The following GALNTL6 variants were observed in gnomAD, a reference collection of about 807,000 sequenced individuals.
The protein encoded by GALNTL6 is polypeptide N-acetylgalactosaminyltransferase like 6.
Under a neutral mutation model 73.7 loss-of-function variants are expected in GALNTL6, and 46 were observed. The observed-to-expected ratio is 0.62, with a 90% CI of 0.49 to 0.80. The LOEUF is 0.80. GALNTL6 is among the 30% of genes least tolerant of loss of function. GALNTL6 has a pLI of 0.00. For synonymous variants in GALNTL6, 259 were observed against 263.7 expected, an observed-to-expected ratio of 0.98 and a Z score of 0.17; for missense variants, 604 against 755.0, an observed-to-expected ratio of 0.80 and a Z score of 2.34.
At chr4:172,470,804 G>A (rs1000026215) in intron 5 of GALNTL6, among the ~76,000 whole-genome samples, 2 of 152,108 alleles carry the variant, frequency 1.3e-5, no homozygotes, top group Admixed American at 1.3e-4. Context: ...CTATACATGA[G>A]ATATATAACC....
At chr4:172,638,129 A>G (rs2111113317) in intron 5 of GALNTL6, among the ~76,000 whole-genome samples, 1 of 152,274 alleles carries the variant, frequency 6.6e-6, no homozygotes, top group Non-Finnish European at 1.5e-5. Flanking sequence ...GAAGTGACTG[A>G]AAACCACACA....
chr4:172,584,852 A>T (rs1034567714), intron 5 of GALNTL6, among the ~76,000 whole-genome samples: 1 of 152,224 alleles, frequency 6.6e-6, no homozygotes, highest in East Asian at 1.9e-4. Context: ...AAAAGTGAAC[A>T]ACATTGTCCA....
chr4:172,015,385 CATTTATGTGTAAT>C (rs1741155254), intron 2 of GALNTL6, among the ~76,000 whole-genome samples: 1 of 151,910 alleles, frequency 6.6e-6, no homozygotes, highest in Non-Finnish European at 1.5e-5. Context: ...TTTTGGTTTC[CATTTATGTGTAAT>C]ATCTTATTCC....
chr4:172,293,750 C>T lies in GALNTL6; in HGVS notation c.248-17864C>T, dbSNP rs192823960. Among the ~76,000 whole-genome samples, 210 of 151,384 alleles carry T rather than the reference C, an allele frequency of 1.4e-3. 1 individual carries two copies. The highest frequency in any genetic ancestry group is 0.01 in the Middle Eastern group (3 of 288). On this transcript the variant is annotated intron_variant, in intron 3 of 12. Coordinates refer to ENST00000506823, the MANE Select transcript of GALNTL6 (RefSeq NM_001034845.3). ...AATATATTATAAATATATTACTATA[C>T]AAAACATTTTGCATAAATTAAACTG...
chr4:172,513,298 G>C (rs1734490429), intron 5 of GALNTL6, among the ~76,000 whole-genome samples: 1 of 152,008 alleles, frequency 6.6e-6, no homozygotes, highest in Admixed American at 6.6e-5. Context: ...TTTATTTCCA[G>C]AAGTTGTGAT....
intron 2 of GALNTL6, among the ~76,000 whole-genome samples, chr4:172,113,867 C>A (rs530838146): frequency 6.6e-6 from 1 of 152,088 alleles, no homozygotes; most frequent in South Asian, 2.1e-4. Flanking sequence ...TTGTATTTTC[C>A]TTGTTAAATG....
At chr4:172,786,362 C>T (rs1371809513) in intron 5 of GALNTL6, among the ~76,000 whole-genome samples, 1 of 152,136 alleles carries the variant, frequency 6.6e-6, no homozygotes, top group Non-Finnish European at 1.5e-5. Context: ...TATCATGACT[C>T]ACTTTGTAGT....
intron 7 of GALNTL6, among the ~76,000 whole-genome samples, chr4:172,862,707 A>C (rs1744457628): frequency 1.1e-5 from 1 of 91,994 alleles, no homozygotes; most frequent in Non-Finnish European, 3.0e-5. Context: ...CTCAAAAAAA[A>C]GAAAAAGAGA....
intron 5 of GALNTL6, among the ~76,000 whole-genome samples, chr4:172,583,146 A>C (rs1036820535): frequency 1.3e-5 from 2 of 152,126 alleles, no homozygotes; most frequent in African/African-American, 4.8e-5. Context: ...ACATACACAC[A>C]CACACAAACA....
At chr4:172,135,045 C>A (rs1408654232) in intron 2 of GALNTL6, among the ~76,000 whole-genome samples, 1 of 152,112 alleles carries the variant, frequency 6.6e-6, no homozygotes, top group Non-Finnish European at 1.5e-5. Context: ...TATGATGAGA[C>A]CTCATTTGAC....
At chr4:172,011,833 C>T (rs1474558283) in intron 2 of GALNTL6, among the ~76,000 whole-genome samples, 3 of 151,812 alleles carry the variant, frequency 2.0e-5, no homozygotes, top group Admixed American at 1.3e-4. Context: ...AAAAACTAAA[C>T]CTTAGGGAAC....
At chr4:172,685,860 C>T (rs1732887063) in intron 5 of GALNTL6, among the ~76,000 whole-genome samples, 1 of 152,138 alleles carries the variant, frequency 6.6e-6, no homozygotes, top group Admixed American at 6.5e-5. Context: ...ATCCCTTTGT[C>T]TCAGTCAGTG....
intron 2 of GALNTL6, among the ~76,000 whole-genome samples, chr4:171,941,019 G>C (rs1026741455): frequency 6.6e-6 from 1 of 151,960 alleles, no homozygotes; most frequent in South Asian, 2.1e-4. Context: ...TTAAAAGTCA[G>C]GAGTCAATAC....
chr4:172,630,708 CAT>C (rs35823281), intron 5 of GALNTL6, among the ~76,000 whole-genome samples: 52,083 of 149,384 alleles, frequency 0.35, 9,796 homozygotes, highest in Middle Eastern at 0.51. Context: ...TCCAACTCAA[CAT>C]ATATATATAT....
intron 5 of GALNTL6, among the ~76,000 whole-genome samples, chr4:172,709,632 C>CT (rs1560896088): frequency 6.6e-6 from 1 of 152,106 alleles, no homozygotes; most frequent in Non-Finnish European, 1.5e-5. Flanking sequence ...CAGACAGCTC[C>CT]CCTGCCTACC....
At chr4:171,996,057 C>G (rs1279861016) in intron 2 of GALNTL6, among the ~76,000 whole-genome samples, 1 of 152,040 alleles carries the variant, frequency 6.6e-6, no homozygotes. Flanking sequence ...CCCATTCCTG[C>G]TGTCATCCTG....
At chr4:172,288,109 G>C (rs867303870) in intron 3 of GALNTL6, among the ~76,000 whole-genome samples, 5 of 107,042 alleles carry the variant, frequency 4.7e-5, no homozygotes, top group Admixed American at 1.7e-4. Flanking sequence ...TTTTTTTTTT[G>C]AGATGGGTTT....
At chr4:172,433,015 TAAG>T (rs1731512617) in intron 5 of GALNTL6, among the ~76,000 whole-genome samples, 1 of 152,164 alleles carries the variant, frequency 6.6e-6, no homozygotes, top group Admixed American at 6.5e-5. Context: ...ATCTTTGTGA[TAAG>T]AAAAATAATT....
intron 5 of GALNTL6, among the ~76,000 whole-genome samples, chr4:172,682,520 G>A (rs78363651): frequency 0.022 from 3,298 of 152,252 alleles, 116 homozygotes; most frequent in African/African-American, 0.075. Flanking sequence ...TAGATAAAAT[G>A]ACAGGATACC....
Sources: allele counts gnomAD v4.1 joint callset (sites outside exome capture counted in the v4.1 genomes callset), GRCh38; gene constraint gnomAD v4.1.1; transcripts MANE v1.5; gene names NCBI Gene and HGNC (gene_info 2026-07-23, HGNC 2026-07-21).